Variants in ADNP observed in about 807,000 individuals in gnomAD.
ADNP encodes the protein activity-dependent neuroprotector homeobox protein.
ADNP carries 4 observed loss-of-function variants against 84.9 expected under a neutral mutation model. The ratio of observed to expected loss-of-function variants is 0.05; its 90% confidence interval spans 0.02 to 0.11. ADNP has a LOEUF of 0.11. ADNP is among the 10% of genes least tolerant of loss of function. The pLI, the probability that ADNP is intolerant of heterozygous loss-of-function variation, is 1.00. For missense variants in ADNP, 1,132 were observed against 1,326.0 expected (o/e 0.85, Z 2.27); for synonymous variants, 554 against 468.1 (o/e 1.18, Z -2.37).
chr20:50,927,604 C>A (rs1984378346), intron 2 of ADNP, among the ~76,000 whole-genome samples: 1 of 151,314 alleles, frequency 6.6e-6, no homozygotes, highest in Non-Finnish European at 1.5e-5. Context: ...TTATGTTGCC[C>A]AAGCTGGTCT....
Position 50,919,432 on chromosome 20 carries a change from G to A in ADNP, c.-90+9219C>T, listed in dbSNP as rs564469829. Among the ~76,000 whole-genome samples, 35 of 151,952 alleles carry A rather than the reference G, an allele frequency of 2.3e-4. 1 individual carries two copies. The highest frequency in any genetic ancestry group is 2.7e-4 in the African/African-American group (11 of 41,372). On this transcript the variant is annotated intron_variant, in intron 2 of 5. Coordinates refer to ENST00000621696, the MANE Select transcript of ADNP (RefSeq NM_001282531.3). ...ATGGTGCCACTATACTCCAGCCTGC[G>A]TTACAAAGGGAGACCCTGGAACTTT...
chr20:50,926,712 C>T (rs1476694807), intron 2 of ADNP, among the ~76,000 whole-genome samples: 11 of 152,082 alleles, frequency 7.2e-5, no homozygotes, highest in Admixed American at 7.2e-4. Context: ...ATACACACAC[C>T]CAATTGTGAA....
chr20:50,930,798 G>C (rs1210450658), intron 1 of ADNP, 28 bp downstream of exon 1: 1 of 149,666 alleles, frequency 6.7e-6, no homozygotes, highest in South Asian at 1.8e-4. Context: ...CAGGGCCGCG[G>C]GTCCGCGCGC....
chr20:50,930,333 G>A (rs1365490937), intron 1 of ADNP, among the ~76,000 whole-genome samples: 1 of 152,074 alleles, frequency 6.6e-6, no homozygotes, highest in Non-Finnish European at 1.5e-5. Flanking sequence ...CTCACTCCAT[G>A]CCATGCATGC....
chr20:50,893,707 G>A lies in ADNP; in HGVS notation c.1007C>T (p.Ser336Phe). ...ACCAACACTGTAACCCTGGCCTACA[G>A]ATTTGACTCCATAGTTGTTCTGCTG... Reference protein sequence around the residue: ...HLQQNNYGVKSVGQGYSVGQS... With the variant: ...HLQQNNYGVKFVGQGYSVGQS... Residue 336 changes from serine (S) to phenylalanine (F), a missense_variant, in exon 6 of 6, where the codon TCT becomes TTT. Ser to Phe is a radical substitution (Grantham distance 155). Transcript: ENST00000621696. The surrounding 1 kb of genome is among the most constrained non-coding windows in gnomAD (Gnocchi z 4.4). The A allele has an allele frequency of 6.2e-7, 1 of 1,614,088 alleles. No homozygotes were observed. The highest frequency in any genetic ancestry group is 8.5e-7 in the Non-Finnish European group (1 of 1,180,028).
Position 50,891,579 on chromosome 20 carries a change from T to C in ADNP, c.3135A>G (p.Ser1045=). 6.2e-7 allele frequency: 1 copy of C among 1,613,142 alleles called. No homozygotes were observed. Residue 1045 remains serine, a synonymous_variant, in exon 6 of 6, where the codon TCA becomes TCG. Transcript: ENST00000621696. The part of the protein sequence containing the change: ...KVEGFWSKDQ[S]QWKNASENDE... The stretch of plus-strand genomic sequence containing the variant: ...CATTCTCAGATGCATTCTTCCACTG[T>C]GACTGGTCCTTAGACCAAAACCCTT...
chr20:50,896,046 GA>G (rs999055513), intron 5 of ADNP, among the ~76,000 whole-genome samples: 1 of 151,850 alleles, frequency 6.6e-6, no homozygotes, highest in Non-Finnish European at 1.5e-5. Context: ...CCAACATGGT[GA>G]AACCCTACCT....
intron 5 of ADNP, among the ~76,000 whole-genome samples, chr20:50,901,709 T>C (rs1056694045): frequency 1.3e-5 from 2 of 152,328 alleles, no homozygotes; most frequent in Non-Finnish European, 1.5e-5. Context: ...AAAACAAGAA[T>C]GGCAACACAG....
chr20:50,925,463 C>T (rs895091944), intron 2 of ADNP, among the ~76,000 whole-genome samples: 1 of 152,096 alleles, frequency 6.6e-6, no homozygotes, highest in Non-Finnish European at 1.5e-5. Context: ...TACTAAGACA[C>T]TGAGAGGATG....
At position 50,891,991 on chromosome 20, in the gene ADNP, G is replaced by C. The variant is rs770584089; in HGVS notation, c.2723C>G (p.Pro908Arg). The change falls in exon 6 of 6, where the codon CCA (proline) becomes CGA (arginine). Residue 908 changes from proline to arginine, a missense_variant. By Grantham distance (103) the Pro-to-Arg change is moderately radical (BLOSUM62 -2). Coordinates refer to ENST00000621696, the MANE Select transcript of ADNP (RefSeq NM_001282531.3). ...EVEPKISNDN[P>R]EEHVLKVIPE... is the part of the protein sequence containing the mutation. Reference sequence around the variant, plus strand: ...AATTACCTTCAGTACATGTTCCTCTGGGTTATCGTTAGAGATTTTAGGTTC... The same window carrying C: ...AATTACCTTCAGTACATGTTCCTCTCGGTTATCGTTAGAGATTTTAGGTTC... The C allele has an allele frequency of 3.1e-6, 5 of 1,614,130 alleles. No homozygotes were observed. The South Asian group carries it at 5.5e-5, about 18-fold the overall frequency.
At position 50,923,466 on chromosome 20, in the gene ADNP, T is replaced by C. The variant is rs773252321; in HGVS notation, c.-90+5185A>G. Among the ~76,000 whole-genome samples, 4 of 152,328 alleles carry C rather than the reference T, an allele frequency of 2.6e-5. No homozygotes were observed. In the East Asian group the frequency reaches 7.7e-4, roughly 29 times the overall value. ...GTTTTGCCACTTGATGGCTCAAGTT[T>C]TCACACTTTCCTCAGAGAAGTTTTA... On this transcript the variant is annotated intron_variant, in intron 2 of 5. Transcript: ENST00000621696.
At chr20:50,895,561 ATT>A (rs536281409) in intron 5 of ADNP, among the ~76,000 whole-genome samples, 379 of 152,258 alleles carry the variant, frequency 2.5e-3, no homozygotes, top group African/African-American at 8.6e-3. Flanking sequence ...TAAAAAAAAA[ATT>A]TTGAGACAAA....
At chr20:50,911,406 C>T (rs1398761012) in intron 2 of ADNP, among the ~76,000 whole-genome samples, 1 of 152,112 alleles carries the variant, frequency 6.6e-6, no homozygotes, top group African/African-American at 2.4e-5. Flanking sequence ...TTTCATTCTT[C>T]TGCACTATGG....
At chr20:50,922,837 CT>C (rs1219717625) in intron 2 of ADNP, among the ~76,000 whole-genome samples, 2 of 152,132 alleles carry the variant, frequency 1.3e-5, no homozygotes, top group Admixed American at 1.3e-4. Flanking sequence ...CGCCCCCAGC[CT>C]CCCAAAATGC....
chr20:50,906,268 C>T (rs1982465870), intron 2 of ADNP, among the ~76,000 whole-genome samples: 1 of 149,828 alleles, frequency 6.7e-6, no homozygotes, highest in African/African-American at 2.5e-5. Flanking sequence ...TAGAGAGAAG[C>T]ACATGTTAGA....
intron 2 of ADNP, among the ~76,000 whole-genome samples, chr20:50,908,774 C>CA (rs796139131): frequency 6.8e-6 from 1 of 146,360 alleles, no homozygotes; most frequent in East Asian, 2.0e-4. Flanking sequence ...ACTCTGTCTG[C>CA]AAAAAAAGAA....
chr20:50,893,655 G>T lies in ADNP; in HGVS notation c.1059C>A (p.Gly353=). 1 of 1,614,152 alleles carries T rather than the reference G, an allele frequency of 6.2e-7. No homozygotes were observed. Among genetic ancestry groups the T allele is most frequent in the Non-Finnish European group, 8.5e-7 (1 of 1,180,032 alleles). ...GTTGAGGAATGGAAACTGGTGCGTT[G>T]CCACCTAGACCCAGTCTCATTGACT... is the stretch of plus-strand genomic sequence containing the variant. ...VGQSMRLGLG[G]NAPVSIPQQS... The change falls in exon 6 of 6, where the codon GGC becomes GGA. Residue 353 remains glycine (G), a synonymous_variant. Coordinates refer to ENST00000621696, the MANE Select transcript of ADNP (RefSeq NM_001282531.3). This position sits in a 1 kb window ranked among gnomAD's most constrained non-coding sequence, Gnocchi z 4.4.
chr20:50,891,175 G>C lies in ADNP; in HGVS notation c.*230C>G, dbSNP rs1980661806. 3 of 1,309,046 alleles carry C rather than the reference G, an allele frequency of 2.3e-6. No homozygotes were observed. The allele number at this position is 1,309,046 out of a possible 1,614,324, so 81.1% of individuals were successfully genotyped here. ...CCTCGTGTGTATTCATGAGTCACCA[G>C]CTTATTGGTTTTTCACATTTAGTTA... On this transcript the variant is annotated 3_prime_UTR_variant, in exon 6 of 6. Coordinates refer to ENST00000621696, the MANE Select transcript of ADNP (RefSeq NM_001282531.3).
Position 50,891,823 on chromosome 20 carries a change from TCAACAA to T in ADNP, c.2885_2890del (p.Val962_Val963del). On this transcript the variant is annotated inframe_deletion, in exon 6 of 6. Coordinates refer to ENST00000621696, the MANE Select transcript of ADNP (RefSeq NM_001282531.3). ...AGATGGAGAAGCACCGTCTTTCCAC[TCAACAA>T]CATCGTCTTGGTCAACCTCACTATC... 2 of 1,614,204 alleles carry T rather than the reference TCAACAA, an allele frequency of 1.2e-6. No homozygotes were observed. Among genetic ancestry groups the T allele is most frequent in the Non-Finnish European group, 1.7e-6 (2 of 1,180,028 alleles).
Sources: gnomAD v4.1 joint callset for allele counts (sites outside exome capture counted in the v4.1 genomes callset) on GRCh38, gnomAD v4.1.1 for gene constraint, Gnocchi (gnomAD v3.1) non-coding constraint, MANE v1.5 for transcripts, NCBI Gene and HGNC (gene_info 2026-07-23, HGNC 2026-07-21) for gene names.